The following PCDH11X variants were observed in gnomAD, a reference collection of about 807,000 sequenced individuals.
PCDH11X encodes protocadherin-11 X-linked.
A neutral mutation model predicts 53.3 loss-of-function variants in PCDH11X; 18 were observed. The ratio of observed to expected loss-of-function variants is 0.34; its 90% CI spans 0.23 to 0.50. The LOEUF (loss-of-function observed/expected upper bound fraction) is 0.50. Among genes scored for constraint, PCDH11X ranks in the 20% least tolerant of loss-of-function variants. PCDH11X has a pLI of 0.98. For synonymous variants in PCDH11X, 279 were observed against 393.3 expected, an observed-to-expected ratio of 0.71 and a Z score of 3.44; for missense variants, 570 against 1,032.4, an observed-to-expected ratio of 0.55 and a Z score of 6.14.
intron 10 of PCDH11X, among the ~76,000 whole-genome samples, chrX:92,576,328 T>A (rs1188893991): frequency 1.1e-5 from 1 of 91,839 alleles, no homozygotes; most frequent in Non-Finnish European, 2.2e-5. Flanking sequence ...AGACAACAGA[T>A]CAATGAGTCT....
At chrX:92,277,018 G>A (rs2068111142) in intron 8 of PCDH11X, among the ~76,000 whole-genome samples, 1 of 111,380 alleles carries the variant, frequency 9.0e-6, no homozygotes, top group South Asian at 3.8e-4. Context: ...GAAACTGTAA[G>A]CTGGACCAGG....
At chrX:92,463,364 A>G (rs984013931) in intron 9 of PCDH11X, among the ~76,000 whole-genome samples, 2 of 110,666 alleles carry the variant, frequency 1.8e-5, no homozygotes, top group Non-Finnish European at 3.8e-5. Flanking sequence ...TGTATAATCT[A>G]AAAGCACTGA....
intron 8 of PCDH11X, among the ~76,000 whole-genome samples, chrX:92,277,338 G>A (rs1383241337): frequency 9.0e-6 from 1 of 111,379 alleles, no homozygotes; most frequent in Non-Finnish European, 1.9e-5. Context: ...AATTGAAAGT[G>A]CCGTTTTCTG....
chrX:92,218,437 G>A (rs1343930299), intron 7 of PCDH11X, among the ~76,000 whole-genome samples: 2 of 111,388 alleles, frequency 1.8e-5, no homozygotes, highest in Non-Finnish European at 3.8e-5. Context: ...AAATAAACTA[G>A]AAAATCTAGA....
intron 8 of PCDH11X, among the ~76,000 whole-genome samples, chrX:92,312,495 G>A (rs184564323): frequency 0.02 from 2,214 of 110,045 alleles, 47 homozygotes; most frequent in East Asian, 0.13. Flanking sequence ...ATTGGTTCCC[G>A]TGGGAAAAAG....
chrX:92,160,794 G>A (rs1215108046), intron 6 of PCDH11X, among the ~76,000 whole-genome samples: 1 of 110,375 alleles, frequency 9.1e-6, no homozygotes, highest in African/African-American at 3.3e-5. Flanking sequence ...TCCACCAGCA[G>A]TATAGAAGTG....
intron 6 of PCDH11X, among the ~76,000 whole-genome samples, chrX:92,129,719 C>A (rs922379438): frequency 1.0e-3 from 112 of 111,399 alleles, no homozygotes; most frequent in Non-Finnish European, 1.6e-3. Context: ...TCCCTCCCTT[C>A]TCTTAAGAGA....
chrX:91,782,692 T>TA (rs1347445346), intron 1 of PCDH11X, among the ~76,000 whole-genome samples: 1 of 109,753 alleles, frequency 9.1e-6, no homozygotes, highest in Non-Finnish European at 1.9e-5. Flanking sequence ...CTCTATCCAC[T>TA]ACTGCCATAG....
In PCDH11X at chrX:91,983,272, G is replaced by C. The variant is rs3952179; in HGVS notation, c.3033+103999G>C. On this transcript the variant is annotated intron_variant, in intron 6 of 10. Transcript: ENST00000682573. ...CAGTCATCTCGGTGCCTAGTGTATT[G>C]TCGGTGTTCTATTTCTCTGTAAACG... 27 of 897,436 alleles carry C rather than the reference G, an allele frequency of 3.0e-5. No individual in the cohort carries two copies. In the East Asian group the frequency reaches 8.1e-4, roughly 27 times the overall value. 74.0% of individuals were successfully genotyped at this position (897,436 alleles called of 1,213,427 possible). A position where few individuals can be genotyped will look rare whatever the true frequency, so the allele number is the denominator to read the frequency against.
At chrX:92,575,940 T>TACACAC (rs1281104592) in intron 10 of PCDH11X, among the ~76,000 whole-genome samples, 19 of 26,545 alleles carry the variant, frequency 7.2e-4, no homozygotes, top group South Asian at 4.1e-3. Context: ...TATATATATA[T>TACACAC]ATATACACAC....
intron 6 of PCDH11X, among the ~76,000 whole-genome samples, chrX:92,179,030 G>A (rs772699431): frequency 1.8e-4 from 20 of 111,502 alleles, no homozygotes; most frequent in South Asian, 3.7e-4. Flanking sequence ...ATAGGTTTAC[G>A]TAGTTAATTC....
intron 8 of PCDH11X, among the ~76,000 whole-genome samples, chrX:92,306,558 A>C (rs1460590618): frequency 9.1e-6 from 1 of 109,570 alleles, no homozygotes; most frequent in African/African-American, 3.3e-5. Flanking sequence ...GAGAAATATC[A>C]AGAATGAAAG....
At chrX:91,988,192 T>C (rs1407158794) in intron 6 of PCDH11X, among the ~76,000 whole-genome samples, 1 of 110,580 alleles carries the variant, frequency 9.0e-6, no homozygotes, top group Non-Finnish European at 1.9e-5. Context: ...CTCTTCCCTT[T>C]CCTCTCTTTT....
intron 7 of PCDH11X, among the ~76,000 whole-genome samples, chrX:92,241,847 C>A (rs1240297508): frequency 9.0e-6 from 1 of 111,652 alleles, no homozygotes; most frequent in East Asian, 2.8e-4. Flanking sequence ...GTTTTCTTAC[C>A]TGTTGTCTAA....
chrX:91,846,485 G>A (rs753995894), intron 5 of PCDH11X, among the ~76,000 whole-genome samples: 2 of 109,502 alleles, frequency 1.8e-5, no homozygotes, highest in South Asian at 8.0e-4. Context: ...GGGCGTGGTC[G>A]CGGGCTCCTG....
chrX:92,286,255 T>A (rs763102981), intron 8 of PCDH11X, among the ~76,000 whole-genome samples: 2 of 108,251 alleles, frequency 1.8e-5, no homozygotes, highest in South Asian at 8.2e-4. Flanking sequence ...TAATTTTTGC[T>A]TTGCTTCTCA....
rs781278387 is a variant in PCDH11X at position 92,025,921 on chromosome X, A to G, written c.3033+146648A>G. ...AGGAATATAGATGAAGCTGGGGGCC[A>G]TTACTTTAGCAAACTAATACAGGAA... is the stretch of plus-strand genomic sequence containing the variant. On this transcript the variant is annotated intron_variant, in intron 6 of 10. Coordinates refer to ENST00000682573, the MANE Select transcript of PCDH11X (RefSeq NM_032968.5). Among the ~76,000 whole-genome samples the G allele has an allele frequency of 2.4e-4, 26 of 109,890 alleles. 1 individual carries two copies. In the East Asian group the frequency reaches 7.5e-3, roughly 32 times the overall value.
chrX:91,954,940 A>C (rs2061690498), intron 6 of PCDH11X, among the ~76,000 whole-genome samples: 1 of 108,581 alleles, frequency 9.2e-6, no homozygotes, highest in Non-Finnish European at 1.9e-5. Flanking sequence ...TTTGCTGTGC[A>C]GAAGCTCTTT....
intron 6 of PCDH11X, among the ~76,000 whole-genome samples, chrX:92,152,821 G>A (rs1242813330): frequency 8.3e-5 from 9 of 108,928 alleles, no homozygotes; most frequent in African/African-American, 1.3e-4. Context: ...TTTTTGAGAC[G>A]GAGTCTAGCT....
Sources: allele counts gnomAD v4.1 joint callset (sites outside exome capture counted in the v4.1 genomes callset), GRCh38; gene constraint gnomAD v4.1.1; transcripts MANE v1.5; gene names NCBI Gene and HGNC (gene_info 2026-07-23, HGNC 2026-07-21).